KIAA0586: variants seen among roughly 807,000 people sequenced by gnomAD.
KIAA0586 encodes the protein KIAA0586.
A neutral mutation model predicts 169.8 loss-of-function variants in KIAA0586; 144 were observed. The ratio of observed to expected loss-of-function variants is 0.85; its 90% confidence interval spans 0.74 to 0.97. KIAA0586 has a LOEUF of 0.97. Among genes scored for constraint, KIAA0586 ranks in the 50% least tolerant of loss-of-function variants. The probability of loss-of-function intolerance (pLI) is 0.00; values close to 1 mark genes in which losing one functional copy is unlikely to be tolerated. For missense variants in KIAA0586, 1,854 were observed against 1,823.0 expected (o/e 1.02, Z -0.31); for synonymous variants, 625 against 612.4 (o/e 1.02, Z -0.30).
chr14:58,438,479 T>C (rs2038022672), intron 4 of KIAA0586, among the ~76,000 whole-genome samples: 1 of 152,162 alleles, frequency 6.6e-6, no homozygotes, highest in Non-Finnish European at 1.5e-5. Context: ...CTTTGTTACT[T>C]GCTGTTTGGT....
At chr14:58,509,516 AT>A (rs1158033256) in intron 28 of KIAA0586, among the ~76,000 whole-genome samples, 1 of 152,172 alleles carries the variant, frequency 6.6e-6, no homozygotes, top group Admixed American at 6.5e-5. Flanking sequence ...GTAGTTTTTT[AT>A]TTGTGTATTG....
intron 13 of KIAA0586, among the ~76,000 whole-genome samples, chr14:58,460,637 G>A (rs971121355): frequency 6.6e-6 from 1 of 152,044 alleles, no homozygotes; most frequent in Non-Finnish European, 1.5e-5. Flanking sequence ...TTGAAGGTGG[G>A]TTCAGAAATA....
chr14:58,428,009 G>T lies in KIAA0586; in HGVS notation c.-256G>T, dbSNP rs749870113. ...TGTTATGGTTATTGTTGCTCCTGTG[G>T]CCATTCTCTTGTCATCCCCACTTTC... On this transcript the variant is annotated 5_prime_UTR_variant, in exon 1 of 31. Transcript: ENST00000652326. The T allele has an allele frequency of 1.4e-6, 2 of 1,426,046 alleles. No individual in the cohort carries two copies. The highest frequency in any genetic ancestry group is 2.9e-5 in the African/African-American group (2 of 69,532). 88.3% of individuals were successfully genotyped at this position (1,426,046 alleles called of 1,614,324 possible). A position where few individuals can be genotyped will look rare whatever the true frequency, so the allele number is the denominator to read the frequency against.
Position 58,461,126 on chromosome 14 carries a change from A to G in KIAA0586, c.2025A>G (p.Arg675=), listed in dbSNP as rs753225024. Residue 675 remains arginine, a synonymous_variant, in exon 14 of 31, where the codon AGA becomes AGG. Coordinates refer to ENST00000652326, the MANE Select transcript of KIAA0586 (RefSeq NM_001329943.3). ...LRFNSPSPKS[R]PQRPKVIERV... Reference sequence around the variant, plus strand: ...TTAATTCTCCATCTCCTAAGTCCAGACCACAGAGACCAAAAGTAATAGAAC... The same window carrying G: ...TTAATTCTCCATCTCCTAAGTCCAGGCCACAGAGACCAAAAGTAATAGAAC... The G allele has an allele frequency of 3.1e-6, 5 of 1,598,202 alleles. No individual in the cohort carries two copies. The South Asian group carries it at 5.7e-5, about 18-fold the overall frequency.
In KIAA0586 at chr14:58,439,389, G is replaced by A. The variant is rs531691758; in HGVS notation, c.411-3317G>A. On this transcript the variant is annotated intron_variant, in intron 4 of 30. Transcript: ENST00000652326. The stretch of plus-strand genomic sequence containing the variant: ...TTTTTAGTAGAGATGGGGTTTCACC[G>A]TGTTAGCCAGGATGGTCTCGATCTC... Among the ~76,000 whole-genome samples the A allele has an allele frequency of 1.0e-3, 158 of 152,106 alleles. 1 individual carries two copies. The highest frequency in any genetic ancestry group is 5.3e-3 in the Admixed American group (81 of 15,284).
rs562964535 is a variant in KIAA0586 at position 58,505,154 on chromosome 14, C to T, written c.4169-3401C>T. Among the ~76,000 whole-genome samples, 6 of 152,192 alleles carry T rather than the reference C, an allele frequency of 3.9e-5. No homozygotes were observed. The South Asian group carries it at 8.3e-4, about 21-fold the overall frequency. On this transcript the variant is annotated intron_variant, in intron 27 of 30. Coordinates refer to ENST00000652326, the MANE Select transcript of KIAA0586 (RefSeq NM_001329943.3). ...CCTCACACATATAATTATATGCACA[C>T]ATGCATGTACAATATATATGGTATG... is the stretch of plus-strand genomic sequence containing the variant.
chr14:58,437,476 C>G (rs1335016579), intron 4 of KIAA0586, among the ~76,000 whole-genome samples: 1 of 151,884 alleles, frequency 6.6e-6, no homozygotes, highest in Non-Finnish European at 1.5e-5. Context: ...TTTGGGAGGT[C>G]AAGCTGGGAG....
chr14:58,537,671 G>A (rs570426422), intron 29 of KIAA0586, among the ~76,000 whole-genome samples: 45 of 151,024 alleles, frequency 3.0e-4, no homozygotes, highest in African/African-American at 1.1e-3. Flanking sequence ...TTTTTGAGAC[G>A]GAGACTCGCT....
At chr14:58,519,296 G>A (rs1210115485) in intron 29 of KIAA0586, among the ~76,000 whole-genome samples, 1 of 152,222 alleles carries the variant, frequency 6.6e-6, no homozygotes, top group Admixed American at 6.5e-5. Flanking sequence ...AGGCTGGAGA[G>A]CAGGGGTATG....
At chr14:58,460,589 T>A (rs2040243905) in intron 13 of KIAA0586, among the ~76,000 whole-genome samples, 1 of 152,154 alleles carries the variant, frequency 6.6e-6, no homozygotes, top group Non-Finnish European at 1.5e-5. Flanking sequence ...TAGTAGATTC[T>A]CAGTAAATGC....
At chr14:58,516,149 A>G (rs1361998849) in intron 29 of KIAA0586, among the ~76,000 whole-genome samples, 2 of 152,216 alleles carry the variant, frequency 1.3e-5, no homozygotes, top group African/African-American at 4.8e-5. Flanking sequence ...TGGTAGTCAC[A>G]GATACAAGTG....
chr14:58,552,546 C>A (rs1227535538), downstream of KIAA0586, among the ~76,000 whole-genome samples: 2 of 152,068 alleles, frequency 1.3e-5, no homozygotes, highest in Non-Finnish European at 2.9e-5. Context: ...ATAATTTCAG[C>A]CATAGTGAGG....
intron 29 of KIAA0586, among the ~76,000 whole-genome samples, chr14:58,514,003 C>T (rs1244695762): frequency 6.6e-6 from 1 of 151,948 alleles, no homozygotes; most frequent in Non-Finnish European, 1.5e-5. Context: ...ACATCTAATA[C>T]AAAAGGTAGG....
chr14:58,430,737 T>C lies in KIAA0586; in HGVS notation c.340+20T>C. The stretch of plus-strand genomic sequence containing the variant: ...AAAAAGGTAAAAGAATAATATTGAT[T>C]TTTTTAAATTGTGACAACATATACA... On this transcript the variant is annotated intron_variant, in intron 3 of 30. Transcript: ENST00000652326. The C allele has an allele frequency of 7.0e-7, 1 of 1,430,612 alleles. No homozygotes were observed. The highest frequency in any genetic ancestry group is 1.8e-5 in the Admixed American group (1 of 56,198). 88.6% of individuals were successfully genotyped at this position (1,430,612 alleles called of 1,614,324 possible). A position where few individuals can be genotyped will look rare whatever the true frequency, so the allele number is the denominator to read the frequency against.
rs545889293 is a variant in KIAA0586, at chr14:58,525,317, A to G, written c.4429+12690A>G. On this transcript the variant is annotated intron_variant, in intron 29 of 30. Coordinates refer to ENST00000652326, the MANE Select transcript of KIAA0586 (RefSeq NM_001329943.3). The stretch of plus-strand genomic sequence containing the variant: ...CCATTGTGCAGCTCCCAGCGAGATC[A>G]ATGCAGAAGGTGGGTGATTTCTGCA... Among the ~76,000 whole-genome samples the G allele has an allele frequency of 1.7e-3, 254 of 152,112 alleles. 3 individuals carry two copies. Among genetic ancestry groups the G allele is most frequent in the African/African-American group, 6.0e-3 (250 of 41,508 alleles).
intron 29 of KIAA0586, among the ~76,000 whole-genome samples, chr14:58,527,267 T>C (rs2045652841): frequency 6.6e-6 from 1 of 152,124 alleles, no homozygotes; most frequent in South Asian, 2.1e-4. Context: ...TGGAACCAAG[T>C]TGGAAAACAC....
intron 14 of KIAA0586, among the ~76,000 whole-genome samples, chr14:58,462,980 C>T (rs923000318): frequency 1.3e-4 from 20 of 152,142 alleles, no homozygotes; most frequent in African/African-American, 4.1e-4. Flanking sequence ...AGGTCTCTCC[C>T]GTGACGCATG....
intron 20 of KIAA0586, among the ~76,000 whole-genome samples, chr14:58,481,752 A>G (rs2042039404): frequency 6.6e-6 from 1 of 151,746 alleles, no homozygotes; most frequent in South Asian, 2.1e-4. Context: ...TTTCATTTTT[A>G]TTCCTCTTTC....
intron 25 of KIAA0586, among the ~76,000 whole-genome samples, chr14:58,491,416 G>T (rs1265433262): frequency 6.6e-6 from 1 of 152,128 alleles, no homozygotes; most frequent in Non-Finnish European, 1.5e-5. Context: ...ATAGCTAGGG[G>T]ATAGGGACTT....
Sources: allele counts gnomAD v4.1 joint callset (sites outside exome capture counted in the v4.1 genomes callset), GRCh38; gene constraint gnomAD v4.1.1; transcripts MANE v1.5; gene names NCBI Gene and HGNC (gene_info 2026-07-23, HGNC 2026-07-21).